Variants in SSH2 observed in about 807,000 individuals in gnomAD.
SSH2 encodes the protein protein phosphatase Slingshot homolog 2.
In SSH2, 37 loss-of-function variants were observed where a neutral mutation model predicts 135.2. That is an observed-to-expected ratio of 0.27 (90% CI 0.21 to 0.36). SSH2 has a LOEUF of 0.36. Among genes scored for constraint, SSH2 ranks in the 10% least tolerant of loss-of-function variants. The pLI, the probability that SSH2 is intolerant of heterozygous loss-of-function variation, is 1.00. For synonymous variants in SSH2, 628 were observed against 646.2 expected (o/e 0.97, Z 0.43); for missense variants, 1,408 against 1,765.3 (o/e 0.80, Z 3.63).
intron 1 of SSH2, among the ~76,000 whole-genome samples, chr17:29,892,265 A>G (rs898309821): frequency 6.6e-6 from 1 of 152,082 alleles, no homozygotes; most frequent in African/African-American, 2.4e-5. Flanking sequence ...AAGTTTCCAA[A>G]GCAGCCCCCA....
intron 15 of SSH2, among the ~76,000 whole-genome samples, chr17:29,634,916 ATTGT>A: frequency 6.6e-6 from 1 of 151,148 alleles, no homozygotes; most frequent in East Asian, 2.0e-4. Context: ...TTATTATGAT[ATTGT>A]TTGAGACAGT....
chr17:29,913,216 G>C (rs1384673824), intron 1 of SSH2, among the ~76,000 whole-genome samples: 1 of 146,734 alleles, frequency 6.8e-6, no homozygotes, highest in East Asian at 2.0e-4. Flanking sequence ...CACTTGGGAG[G>C]CTGAGGCACG....
chr17:29,653,508 C>G (rs12150637), intron 12 of SSH2, among the ~76,000 whole-genome samples: 5,454 of 152,158 alleles, frequency 0.036, 144 homozygotes, highest in African/African-American at 0.071. Context: ...TGACATGATT[C>G]CAGTGCTTTT....
chr17:29,905,219 A>C (rs2151465126), intron 1 of SSH2, among the ~76,000 whole-genome samples: 1 of 152,350 alleles, frequency 6.6e-6, no homozygotes, highest in Non-Finnish European at 1.5e-5. Context: ...AAGCTGAGGC[A>C]TTACACTACC....
chr17:29,859,305 T>A (rs1326231769), intron 1 of SSH2, among the ~76,000 whole-genome samples: 1 of 152,204 alleles, frequency 6.6e-6, no homozygotes, highest in Non-Finnish European at 1.5e-5. Flanking sequence ...TCTCTTTTTT[T>A]AACTTTTAAG....
At chr17:29,645,294 AT>A (rs1318503526) in intron 14 of SSH2, 1 of 152,168 alleles carries the variant, frequency 6.6e-6, no homozygotes, top group Non-Finnish European at 1.5e-5. Flanking sequence ...TGGAAACCAG[AT>A]CTACTGACTC....
chr17:29,693,054 G>C (rs1011234018), intron 5 of SSH2, among the ~76,000 whole-genome samples: 4 of 152,144 alleles, frequency 2.6e-5, no homozygotes. Context: ...TGACCTGCCA[G>C]GCTCAAGCAA....
chr17:29,691,866 C>T (rs983922088), intron 5 of SSH2, among the ~76,000 whole-genome samples: 3 of 151,274 alleles, frequency 2.0e-5, no homozygotes, highest in Non-Finnish European at 2.9e-5. Flanking sequence ...CAGCCGGGCG[C>T]GGTGGCTCAT....
chr17:29,748,534 G>A (rs1459180562), intron 3 of SSH2, among the ~76,000 whole-genome samples: 1 of 151,658 alleles, frequency 6.6e-6, no homozygotes, highest in East Asian at 1.9e-4. Flanking sequence ...GAAAAAAAAA[G>A]CCCTTAAACC....
At chr17:29,777,283 C>T (rs1011074682) in intron 3 of SSH2, among the ~76,000 whole-genome samples, 7 of 151,872 alleles carry the variant, frequency 4.6e-5, no homozygotes, top group African/African-American at 1.7e-4. Flanking sequence ...AAATCTTATA[C>T]CTTACAGCAT....
At chr17:29,760,969 G>A in intron 3 of SSH2, 1 of 479,768 alleles carries the variant, frequency 2.1e-6, no homozygotes, top group Non-Finnish European at 3.3e-6. Context: ...CCGCCTCCAT[G>A]AATCCCCCCA....
At chr17:29,660,862 G>T (rs1410526714) in intron 11 of SSH2, among the ~76,000 whole-genome samples, 9 of 151,582 alleles carry the variant, frequency 5.9e-5, no homozygotes, top group Non-Finnish European at 5.9e-5. Context: ...TTTGAGACCA[G>T]CCTGGCCAAC....
chr17:29,652,468 G>T (rs958107718), intron 12 of SSH2, among the ~76,000 whole-genome samples: 6 of 151,956 alleles, frequency 3.9e-5, no homozygotes, highest in Non-Finnish European at 7.4e-5. Context: ...TGTGGTGATG[G>T]TTGCACGGCT....
intron 2 of SSH2, among the ~76,000 whole-genome samples, chr17:29,830,928 T>C (rs1227712430): frequency 6.6e-6 from 1 of 152,206 alleles, no homozygotes; most frequent in Non-Finnish European, 1.5e-5. Flanking sequence ...CTTTAATGCA[T>C]GACAATGAGA....
chr17:29,865,816 G>T (rs2065843541), intron 1 of SSH2, among the ~76,000 whole-genome samples: 1 of 152,122 alleles, frequency 6.6e-6, no homozygotes, highest in Non-Finnish European at 1.5e-5. Flanking sequence ...AAATGAGGGA[G>T]CAGGCTGGGC....
At chr17:29,716,771 A>T (rs748756263) in intron 3 of SSH2, 2 of 435,106 alleles carry the variant, frequency 4.6e-6, no homozygotes, top group East Asian at 5.8e-5. Context: ...TGCTGTCCCC[A>T]TTTTCTTCCC....
chr17:29,764,042 C>T (rs372512746), intron 3 of SSH2, among the ~76,000 whole-genome samples: 28 of 151,716 alleles, frequency 1.8e-4, no homozygotes, highest in East Asian at 1.4e-3. Flanking sequence ...CTCCACCTCG[C>T]GGGTTCAAGT....
intron 3 of SSH2, among the ~76,000 whole-genome samples, chr17:29,736,482 A>T (rs1290164795): frequency 6.6e-6 from 1 of 152,196 alleles, no homozygotes; most frequent in Non-Finnish European, 1.5e-5. Flanking sequence ...AAGGTATAAC[A>T]GTTACTATAA....
At chr17:29,680,288 C>G (rs2037916602) in intron 6 of SSH2, among the ~76,000 whole-genome samples, 1 of 151,898 alleles carries the variant, frequency 6.6e-6, no homozygotes, top group Non-Finnish European at 1.5e-5. Context: ...CCAGGCCAGG[C>G]ACGGTGACTC....
Sources: gnomAD v4.1 joint callset for allele counts (sites outside exome capture counted in the v4.1 genomes callset) on GRCh38, gnomAD v4.1.1 for gene constraint, MANE v1.5 for transcripts, NCBI Gene and HGNC (gene_info 2026-07-23, HGNC 2026-07-21) for gene names.